The following NAA15 variants were observed in gnomAD, a reference collection of about 807,000 sequenced individuals.
The protein encoded by NAA15 is N-terminal acetyltransferase.
Under a neutral mutation model 114.0 loss-of-function variants are expected in NAA15, and 34 were observed. That is an observed-to-expected ratio of 0.30 (90% CI 0.23 to 0.40). The LOEUF (loss-of-function observed/expected upper bound fraction) is 0.40, where lower values mean the gene tolerates loss of function less well. Among genes scored for constraint, NAA15 ranks in the 10% least tolerant of loss-of-function variants. The probability of loss-of-function intolerance (pLI) is 1.00; values close to 1 mark genes in which losing one functional copy is unlikely to be tolerated. For missense variants in NAA15, 658 were observed against 1,004.5 expected, an observed-to-expected ratio of 0.66 and a Z score of 4.66; for synonymous variants, 340 against 338.0, an observed-to-expected ratio of 1.01 and a Z score of -0.06.
At position 139,301,753 on chromosome 4, in the gene NAA15, G is replaced by C; in HGVS notation, c.-25G>C. 1 of 1,556,810 alleles carries C rather than the reference G, an allele frequency of 6.4e-7. No individual in the cohort carries two copies. Among genetic ancestry groups the C allele is most frequent in the South Asian group, 1.2e-5 (1 of 84,950 alleles). ...CTGACTGACCGAGCCGGGTGGTGGC[G>C]GGAGCAGCGGGAGCAGCCGGAACGA... is the stretch of plus-strand genomic sequence containing the variant. On this transcript the variant is annotated 5_prime_UTR_variant, in exon 1 of 20. Coordinates refer to ENST00000296543, the MANE Select transcript of NAA15 (RefSeq NM_057175.5).
chr4:139,388,886 C>G lies in NAA15; in HGVS notation c.*802C>G, dbSNP rs1748977656. ...AAGAACCAAATGCACTGTGATGTGG[C>G]ACCAACTAATTAGCAAGCATGAATT... On this transcript the variant is annotated 3_prime_UTR_variant, in exon 20 of 20. Coordinates refer to ENST00000296543, the MANE Select transcript of NAA15 (RefSeq NM_057175.5). 6.6e-6 allele frequency: 1 copy of G among 152,544 alleles called. No individual in the cohort carries two copies. The highest frequency in any genetic ancestry group is 1.5e-5 in the Non-Finnish European group (1 of 68,018). The allele number at this position is 152,544 out of a possible 1,614,324, so 9.4% of individuals were successfully genotyped here. A position where few individuals can be genotyped will look rare whatever the true frequency, so the allele number is the denominator to read the frequency against.
intron 17 of NAA15, among the ~76,000 whole-genome samples, chr4:139,380,743 T>C (rs1748727030): frequency 6.6e-6 from 1 of 152,200 alleles, no homozygotes; most frequent in African/African-American, 2.4e-5. Context: ...ATTATTTGCA[T>C]TGGTAAAGAT....
At chr4:139,366,700 C>G (rs890534420) in intron 14 of NAA15, among the ~76,000 whole-genome samples, 1 of 151,720 alleles carries the variant, frequency 6.6e-6, no homozygotes, top group Non-Finnish European at 1.5e-5. Flanking sequence ...CCTCAAACTC[C>G]TGGGCTCAGC....
At chr4:139,337,653 T>C (rs1747242743) in intron 3 of NAA15, among the ~76,000 whole-genome samples, 1 of 152,228 alleles carries the variant, frequency 6.6e-6, no homozygotes, top group Admixed American at 6.5e-5. Flanking sequence ...TAAGATAGAC[T>C]TTAGCAAATA....
chr4:139,342,504 G>C (rs1040689247), intron 4 of NAA15, among the ~76,000 whole-genome samples: 17 of 142,436 alleles, frequency 1.2e-4, no homozygotes, highest in Non-Finnish European at 2.4e-4. Context: ...TTTTGAGACG[G>C]CGTCTTGCTC....
Position 139,329,225 on chromosome 4 carries a change from C to T in NAA15, c.55-4949C>T, listed in dbSNP as rs117068217. Reference sequence around the variant, plus strand: ...CTTTACAAATTCTATTTGTTTTTTTCGAATATATTTCATTTTCCTCTTCAT... The same window carrying T: ...CTTTACAAATTCTATTTGTTTTTTTTGAATATATTTCATTTTCCTCTTCAT... On this transcript the variant is annotated intron_variant, in intron 1 of 19. Transcript: ENST00000296543. Among the ~76,000 whole-genome samples, 972 of 151,842 alleles carry T rather than the reference C, an allele frequency of 6.4e-3. 15 individuals carry two copies. Among genetic ancestry groups the T allele is most frequent in the East Asian group, 0.058 (301 of 5,170 alleles).
Sources: allele counts gnomAD v4.1 joint callset (sites outside exome capture counted in the v4.1 genomes callset), GRCh38; gene constraint gnomAD v4.1.1; transcripts MANE v1.5; gene names NCBI Gene and HGNC (gene_info 2026-07-23, HGNC 2026-07-21).